The following PEX3 variants were observed in gnomAD, a reference collection of about 807,000 sequenced individuals.
PEX3 encodes the protein peroxisomal biogenesis factor 3.
Under a neutral mutation model 55.8 loss-of-function variants are expected in PEX3, and 30 were observed. The observed-to-expected ratio is 0.54, with a 90% CI of 0.40 to 0.73. The LOEUF is 0.73. Ranked by LOEUF, PEX3 falls within the 30% of genes least tolerant of loss-of-function variation. The pLI, the probability that PEX3 is intolerant of heterozygous loss-of-function variation, is 0.00. For missense variants in PEX3, 351 were observed against 432.8 expected, an observed-to-expected ratio of 0.81 and a Z score of 1.68; for synonymous variants, 135 against 148.4, an observed-to-expected ratio of 0.91 and a Z score of 0.66.
intron 1 of PEX3, among the ~76,000 whole-genome samples, chr6:143,456,483 C>T (rs547806897): frequency 5.9e-5 from 9 of 152,242 alleles, no homozygotes; most frequent in African/African-American, 2.2e-4. Flanking sequence ...ACAAAATGGG[C>T]GGCTTAAGCA....
intron 7 of PEX3, 55 bp from the exon 8 acceptor site, chr6:143,472,105 A>G (rs1338209665): frequency 3.4e-6 from 4 of 1,160,214 alleles, no homozygotes; most frequent in East Asian, 4.7e-5. Context: ...AAGAGTGTAT[A>G]TAGGATGTGT....
rs568370751 is a variant in PEX3, at chr6:143,463,402, A to C, written c.287+405A>C. Reference sequence around the variant, plus strand: ...TGTGAACATACGTTTTAAATAAATAAGATATACAGGACTTATATCTTAAAT... The same window carrying C: ...TGTGAACATACGTTTTAAATAAATACGATATACAGGACTTATATCTTAAAT... On this transcript the variant is annotated intron_variant, in intron 3 of 11. Transcript: ENST00000367591. The surrounding 1 kb of genome is among the most constrained non-coding windows in gnomAD (Gnocchi z 5.7). 4.6e-5 allele frequency among the ~76,000 whole-genome samples: 7 copies of C among 152,242 alleles called. No individual in the cohort carries two copies. Among genetic ancestry groups the C allele is most frequent in the Non-Finnish European group, 1.0e-4 (7 of 68,028 alleles).
At chr6:143,480,342 G>A (rs73780416) in intron 10 of PEX3, among the ~76,000 whole-genome samples, 1 of 152,086 alleles carries the variant, frequency 6.6e-6, no homozygotes, top group Non-Finnish European at 1.5e-5. Flanking sequence ...AATTGTAATG[G>A]TTATTTTAAC....
Position 143,453,611 on chromosome 6 carries a change from A to G in PEX3, c.73+2496A>G, listed in dbSNP as rs879574294. ...TGTTTTCTCCTTTGCTAGCTTTACA[A>G]TGTAAGGCAAGTAGAAAGGCTTCCT... On this transcript the variant is annotated intron_variant, in intron 1 of 11. Coordinates refer to ENST00000367591, the MANE Select transcript of PEX3 (RefSeq NM_003630.3). This position sits in a 1 kb window ranked among gnomAD's most constrained non-coding sequence, Gnocchi z 4.6. Among the ~76,000 whole-genome samples, 1 of 152,062 alleles carries G rather than the reference A, an allele frequency of 6.6e-6. No homozygotes were observed. The highest frequency in any genetic ancestry group is 1.5e-5 in the Non-Finnish European group (1 of 68,000).
At position 143,451,808 on chromosome 6, in the gene PEX3, T is replaced by C. The variant is rs1397220270; in HGVS notation, c.73+693T>C. The stretch of plus-strand genomic sequence containing the variant: ...GGCCCAGAGGAGATTTAGAAACAGA[T>C]AAGATAAAAATCTTGAGACGCTTTT... On this transcript the variant is annotated intron_variant, in intron 1 of 11. Coordinates refer to ENST00000367591, the MANE Select transcript of PEX3 (RefSeq NM_003630.3). This position sits in a 1 kb window ranked among gnomAD's most constrained non-coding sequence, Gnocchi z 4.1. 6.6e-6 allele frequency among the ~76,000 whole-genome samples: 1 copy of C among 152,188 alleles called. No individual in the cohort carries two copies. Among genetic ancestry groups the C allele is most frequent in the African/African-American group, 2.4e-5 (1 of 41,454 alleles).
At position 143,472,177 on chromosome 6, in the gene PEX3, C is replaced by A; in HGVS notation, c.596C>A (p.Ser199Tyr). 1.2e-6 allele frequency: 2 copies of A among 1,607,380 alleles called. No individual in the cohort carries two copies. Among genetic ancestry groups the A allele is most frequent in the Non-Finnish European group, 1.7e-6 (2 of 1,174,218 alleles). Residue 199 changes from serine (S) to tyrosine (Y), a missense_variant, in exon 8 of 12, where the codon TCT becomes TAT. Coordinates refer to ENST00000367591, the MANE Select transcript of PEX3 (RefSeq NM_003630.3). ...GTTTCTAGTGTTTCTCTTAAACATT[C>A]TTTGTCCCTTTTGGACTTGGAGCAA... Reference protein sequence around the residue: ...KVLGSVSLKHSLSLLDLEQKL... With the variant: ...KVLGSVSLKHYLSLLDLEQKL...
At chr6:143,473,755 CCAGCTACT>C (rs1780108459) in intron 8 of PEX3, among the ~76,000 whole-genome samples, 1 of 151,706 alleles carries the variant, frequency 6.6e-6, no homozygotes, top group Non-Finnish European at 1.5e-5. Flanking sequence ...GGCTATAGTC[CCAGCTACT>C]CAGGAGGCTG....
In PEX3 at chr6:143,459,067, C is replaced by CTTTTTTTTTTTTTT; in HGVS notation, c.74-12_74-11insTTTTTTTTTTTTTT. The CTTTTTTTTTTTTTT allele has an allele frequency of 1.3e-6, 2 of 1,542,028 alleles. No individual in the cohort carries two copies. Among genetic ancestry groups the CTTTTTTTTTTTTTT allele is most frequent in the Non-Finnish European group, 1.8e-6 (2 of 1,115,376 alleles). ...TTTTGGTACTCTAATGAATATAGTA[C>CTTTTTTTTTTTTTT]TTTTTTAATGATTGTAGGAGTATAT... On this transcript the variant is annotated splice_polypyrimidine_tract_variant and intron_variant, in intron 1 of 11. Transcript: ENST00000367591. The surrounding 1 kb of genome is among the most constrained non-coding windows in gnomAD (Gnocchi z 4.2).
At chr6:143,455,359 A>ATTTTTTTTTTTTTT (rs56788350) in intron 1 of PEX3, among the ~76,000 whole-genome samples, 5 of 71,988 alleles carry the variant, frequency 6.9e-5, no homozygotes, top group Admixed American at 2.1e-4. Context: ...CGCCCGGCTA[A>ATTTTTTTTTTTTTT]TTTTTTTTTT....
rs1780272839 is a variant in PEX3 at position 143,483,658 on chromosome 6, A to G, written c.942-1494A>G. Among the ~76,000 whole-genome samples the G allele has an allele frequency of 6.6e-6, 1 of 152,150 alleles. No homozygotes were observed. ...GAGTTTTGAGCAGGAGAGTGATGTA[A>G]TGGAATTTACATTGTATGATTTCTT... On this transcript the variant is annotated intron_variant, in intron 10 of 11. Coordinates refer to ENST00000367591, the MANE Select transcript of PEX3 (RefSeq NM_003630.3). This position sits in a 1 kb window ranked among gnomAD's most constrained non-coding sequence, Gnocchi z 4.3.
chr6:143,456,634 T>C lies in PEX3; in HGVS notation c.74-2451T>C, dbSNP rs1342584227. Among the ~76,000 whole-genome samples, 3 of 152,336 alleles carry C rather than the reference T, an allele frequency of 2.0e-5. No homozygotes were observed. In the East Asian group the frequency reaches 5.8e-4, roughly 29 times the overall value. On this transcript the variant is annotated intron_variant, in intron 1 of 11. Coordinates refer to ENST00000367591, the MANE Select transcript of PEX3 (RefSeq NM_003630.3). Reference sequence around the variant, plus strand: ...AGGCATCTCCTCTGTTTTTGCTTTGTCTTCCCTCTGCAATTGTCGATGTCC... The same window carrying C: ...AGGCATCTCCTCTGTTTTTGCTTTGCCTTCCCTCTGCAATTGTCGATGTCC...
At chr6:143,468,564 A>G (rs1780022238) in intron 4 of PEX3, among the ~76,000 whole-genome samples, 1 of 152,184 alleles carries the variant, frequency 6.6e-6, no homozygotes, top group Non-Finnish European at 1.5e-5. Context: ...TGCTTGTCTC[A>G]GAACTGTTAT....
chr6:143,489,586 G>GA lies in PEX3; in HGVS notation c.*365dup, dbSNP rs1330894903. The GA allele has an allele frequency of 1.3e-5, 2 of 154,056 alleles. No individual in the cohort carries two copies. The highest frequency in any genetic ancestry group is 3.8e-4 in the East Asian group (2 of 5,322). 9.5% of individuals were successfully genotyped at this position (154,056 alleles called of 1,614,324 possible). A position where few individuals can be genotyped will look rare whatever the true frequency, so the allele number is the denominator to read the frequency against. On this transcript the variant is annotated 3_prime_UTR_variant, in exon 12 of 12. Transcript: ENST00000367591. This position sits in a 1 kb window ranked among gnomAD's most constrained non-coding sequence, Gnocchi z 5.5. Reference sequence around the variant, plus strand: ...TGTACTTTACCATATTAATACTGAGGAAAAATCTGTTGGAGACATAGGTCT... The same window carrying GA: ...TGTACTTTACCATATTAATACTGAGGAAAAAATCTGTTGGAGACATAGGTCT...
chr6:143,485,924 C>A lies in PEX3; in HGVS notation c.1038+676C>A, dbSNP rs985701547. ...AAAAAATTGTTTGCAATGCCAGTTGCAAACTGCTTCAATAATGTACAATGA... is the reference window on the plus strand; with the variant it reads ...AAAAAATTGTTTGCAATGCCAGTTGAAAACTGCTTCAATAATGTACAATGA... On this transcript the variant is annotated intron_variant, in intron 11 of 11. Coordinates refer to ENST00000367591, the MANE Select transcript of PEX3 (RefSeq NM_003630.3). The surrounding 1 kb of genome is among the most constrained non-coding windows in gnomAD (Gnocchi z 5.6). Among the ~76,000 whole-genome samples, 13 of 152,120 alleles carry A rather than the reference C, an allele frequency of 8.5e-5. No homozygotes were observed. The highest frequency in any genetic ancestry group is 8.5e-4 in the Admixed American group (13 of 15,260).
intron 9 of PEX3, 104 bp downstream of exon 9, chr6:143,474,960 TA>T (rs1446096501): frequency 2.4e-5 from 15 of 622,040 alleles, no homozygotes; most frequent in Non-Finnish European, 4.2e-5. Flanking sequence ...AATATTATAT[TA>T]AAATTAAATT....
In PEX3 at chr6:143,460,839, G is replaced by A. The variant is rs150099239; in HGVS notation, c.205+1623G>A. ...ACATCACACCATTGCACTCCAGCCTGGGCAACAAGAGTGAAACTCTGTCTC... is the reference window on the plus strand; with the variant it reads ...ACATCACACCATTGCACTCCAGCCTAGGCAACAAGAGTGAAACTCTGTCTC... On this transcript the variant is annotated intron_variant, in intron 2 of 11. Coordinates refer to ENST00000367591, the MANE Select transcript of PEX3 (RefSeq NM_003630.3). Among the ~76,000 whole-genome samples, 1,359 of 150,166 alleles carry A rather than the reference G, an allele frequency of 9.0e-3. 18 individuals are homozygous for A. The highest frequency in any genetic ancestry group is 0.032 in the African/African-American group (1,311 of 40,542).
At position 143,476,318 on chromosome 6, in the gene PEX3, A is replaced by G. The variant is rs540646045; in HGVS notation, c.818+1462A>G. Among the ~76,000 whole-genome samples, 2 of 152,326 alleles carry G rather than the reference A, an allele frequency of 1.3e-5. No homozygotes were observed. Among genetic ancestry groups the G allele is most frequent in the Admixed American group, 6.5e-5 (1 of 15,302 alleles). On this transcript the variant is annotated intron_variant, in intron 9 of 11. Transcript: ENST00000367591. This position sits in a 1 kb window ranked among gnomAD's most constrained non-coding sequence, Gnocchi z 5.4. ...TAGGGAAGTGAGATTGGAGAGATAG[A>G]TGGAAACTCCAGAGTATGTTGAACC...
Position 143,459,109 on chromosome 6 carries a change from G to T in PEX3, c.98G>T (p.Gly33Val), listed in dbSNP as rs1347165258. The T allele has an allele frequency of 1.9e-6, 3 of 1,597,786 alleles. No homozygotes were observed. In the South Asian group the frequency reaches 3.3e-5, roughly 18 times the overall value. ...LGGVYILGKY[G>V]QKKIREIQER... ...GGAGTATATATTCTGGGGAAATATG[G>T]ACAGAAGAAAATCAGAGAAATACAG... Residue 33 changes from glycine (G) to valine (V), a missense_variant, in exon 2 of 12, where the codon GGA (glycine) becomes GTA (valine). Coordinates refer to ENST00000367591, the MANE Select transcript of PEX3 (RefSeq NM_003630.3). This position sits in a 1 kb window ranked among gnomAD's most constrained non-coding sequence, Gnocchi z 4.2.
chr6:143,462,194 C>T lies in PEX3; in HGVS notation c.206-722C>T, dbSNP rs918940159. Among the ~76,000 whole-genome samples, 3 of 152,038 alleles carry T rather than the reference C, an allele frequency of 2.0e-5. No individual in the cohort carries two copies. The highest frequency in any genetic ancestry group is 2.9e-5 in the Non-Finnish European group (2 of 68,012). On this transcript the variant is annotated intron_variant, in intron 2 of 11. Transcript: ENST00000367591. The surrounding 1 kb of genome is among the most constrained non-coding windows in gnomAD (Gnocchi z 4.1). ...AGTCTCATTTCATCTTCACATTATT[C>T]CTGGGAGTAAGAAACAATAACAAAC...
Sources: gnomAD v4.1 joint callset for allele counts (sites outside exome capture counted in the v4.1 genomes callset) on GRCh38, gnomAD v4.1.1 for gene constraint, Gnocchi (gnomAD v3.1) non-coding constraint, MANE v1.5 for transcripts, NCBI Gene and HGNC (gene_info 2026-07-23, HGNC 2026-07-21) for gene names.